The following CENPK variants were observed in gnomAD, a reference collection of about 807,000 sequenced individuals.
CENPK encodes centromere protein K.
In CENPK, 46 loss-of-function variants were observed where a neutral mutation model predicts 40.9. The observed-to-expected ratio is 1.13, with a 90% CI of 0.89 to 1.44. The LOEUF is 1.44. CENPK is among the 40% of genes most tolerant of loss of function. The pLI, the probability that CENPK is intolerant of heterozygous loss-of-function variation, is 0.00. For missense variants in CENPK, 288 were observed against 303.5 expected (o/e 0.95, Z 0.38); for synonymous variants, 107 against 104.4 (o/e 1.02, Z -0.15).
chr5:65,560,392 T>C (rs1357656628), intron 2 of CENPK, among the ~76,000 whole-genome samples: 6 of 152,120 alleles, frequency 3.9e-5, no homozygotes, highest in Non-Finnish European at 7.4e-5. Context: ...GGGAAAAGGG[T>C]TGTGGCTGGG....
intron 5 of CENPK, among the ~76,000 whole-genome samples, chr5:65,544,130 T>C (rs1407472821): frequency 6.6e-6 from 1 of 152,174 alleles, no homozygotes; most frequent in Non-Finnish European, 1.5e-5. Context: ...TAGGTTTGTA[T>C]TAGAATATTC....
chr5:65,552,103 G>C (rs879646335), intron 4 of CENPK, among the ~76,000 whole-genome samples: 4 of 151,776 alleles, frequency 2.6e-5, no homozygotes, highest in Admixed American at 2.0e-4. Context: ...GGGATCATAT[G>C]ACCACATCAC....
At position 65,529,006 on chromosome 5, in the gene CENPK, C is replaced by T; in HGVS notation, c.383G>A (p.Trp128Ter). The change falls in exon 8 of 11, where the codon TGG (tryptophan) becomes TAG (stop). Residue 128 changes from tryptophan to a stop codon, truncating the protein, a stop_gained. Coordinates refer to ENST00000396679, the MANE Select transcript of CENPK (RefSeq NM_022145.5). LOFTEE classifies it high-confidence loss of function. ...LKEDLEREQR[W>*]LDEQQQIMES... ...CATTATCTGTTGCTGTTCATCCAAC[C>T]ACCGTTGTTCCCTTTCGACATGGAA... is the stretch of plus-strand genomic sequence containing the variant. 6.2e-7 allele frequency: 1 copy of T among 1,608,138 alleles called. No homozygotes were observed. Among genetic ancestry groups the T allele is most frequent in the Non-Finnish European group, 8.5e-7 (1 of 1,176,120 alleles).
chr5:65,555,794 G>T (rs1750874703), intron 2 of CENPK, among the ~76,000 whole-genome samples: 1 of 152,204 alleles, frequency 6.6e-6, no homozygotes, highest in Non-Finnish European at 1.5e-5. Flanking sequence ...GATGGTAAAA[G>T]AAACAGATTT....
chr5:65,563,106 C>A lies in CENPK; in HGVS notation c.-150G>T. The A allele has an allele frequency of 1.7e-6, 1 of 576,914 alleles. No homozygotes were observed. Among genetic ancestry groups the A allele is most frequent in the Non-Finnish European group, 3.0e-6 (1 of 333,484 alleles). 35.7% of individuals were successfully genotyped at this position (576,914 alleles called of 1,614,324 possible). On this transcript the variant is annotated 5_prime_UTR_variant, in exon 1 of 11. Coordinates refer to ENST00000396679, the MANE Select transcript of CENPK (RefSeq NM_022145.5). ...CCCGGCCCAGGTCTTACCATCACAG[C>A]GTCACAAACTCCAGGTCGCCTAGGC...
chr5:65,502,313 A>G, the CENPK span, among the ~76,000 whole-genome samples: 1 of 152,186 alleles, frequency 6.6e-6, no homozygotes, highest in African/African-American at 2.4e-5. Flanking sequence ...TGGTACGTAT[A>G]AGGCAAAAAG....
At chr5:65,543,932 G>A (rs544100440) in intron 5 of CENPK, among the ~76,000 whole-genome samples, 3 of 152,158 alleles carry the variant, frequency 2.0e-5, no homozygotes, top group Non-Finnish European at 4.4e-5. Context: ...AGCCTGATGA[G>A]TAGAAACAAA....
intron 2 of CENPK, among the ~76,000 whole-genome samples, chr5:65,559,545 C>T (rs908400800): frequency 1.3e-5 from 2 of 148,664 alleles, no homozygotes; most frequent in Non-Finnish European, 3.0e-5. Flanking sequence ...AGGAGAATGG[C>T]GTGAACCCGG....
In CENPK at chr5:65,542,843, G is replaced by C. The variant is rs557986609; in HGVS notation, c.247C>G (p.Pro83Ala). The C allele has an allele frequency of 2.5e-6, 4 of 1,608,554 alleles. No individual in the cohort carries two copies. The South Asian group carries it at 3.3e-5, about 13-fold the overall frequency. ...GTTATGAGAACGTCTTCAGTCAAGGGAATTGCTACAAAAACAAAACAAAAC... is the reference window on the plus strand; with the variant it reads ...GTTATGAGAACGTCTTCAGTCAAGGCAATTGCTACAAAAACAAAACAAAAC... ...QWQKKTPETI[P>A]LTEDVLITLG... Residue 83 changes from proline to alanine, a missense_variant, in exon 6 of 11, where the codon CCC becomes GCC. By Grantham distance (27) the Pro-to-Ala change is conservative (BLOSUM62 -1). Transcript: ENST00000396679.
At chr5:65,547,927 G>C (rs955489847) in intron 5 of CENPK, among the ~76,000 whole-genome samples, 5 of 152,200 alleles carry the variant, frequency 3.3e-5, no homozygotes, top group Non-Finnish European at 5.9e-5. Flanking sequence ...GTCTCCCAAA[G>C]TGCTGGGATT....
At chr5:65,498,349 T>C in the CENPK span, among the ~76,000 whole-genome samples, 1 of 152,068 alleles carries the variant, frequency 6.6e-6, no homozygotes, top group African/African-American at 2.4e-5. Flanking sequence ...GCTTTATTTA[T>C]TACATTTACA....
intron 4 of CENPK, among the ~76,000 whole-genome samples, chr5:65,551,913 A>G (rs1750136329): frequency 6.6e-6 from 1 of 151,786 alleles, no homozygotes; most frequent in Non-Finnish European, 1.5e-5. Context: ...AGATAGTAAA[A>G]TATCTGTGAC....
At chr5:65,527,219 C>T (rs1269092251) in intron 9 of CENPK, among the ~76,000 whole-genome samples, 1 of 151,898 alleles carries the variant, frequency 6.6e-6, no homozygotes, top group Non-Finnish European at 1.5e-5. Context: ...CTCACCAGAT[C>T]GGAAGGGTTT....
intron 9 of CENPK, 35 bp from the exon 10 acceptor site, chr5:65,521,563 C>T (rs1165812915): frequency 7.4e-7 from 1 of 1,360,292 alleles, no homozygotes; most frequent in Non-Finnish European, 1.0e-6. Context: ...ACAATTACCA[C>T]TTCACTTCTG....
At chr5:65,519,140 G>A (rs1743240146) in intron 10 of CENPK, among the ~76,000 whole-genome samples, 1 of 152,072 alleles carries the variant, frequency 6.6e-6, no homozygotes, top group South Asian at 2.1e-4. Context: ...GGATATTGTG[G>A]AATTAAAACC....
At chr5:65,508,804 A>G in the CENPK span, among the ~76,000 whole-genome samples, 1 of 151,744 alleles carries the variant, frequency 6.6e-6, no homozygotes, top group African/African-American at 2.4e-5. Flanking sequence ...AAAAAAAAAA[A>G]AAGCTAAAAC....
chr5:65,529,942 A>T lies in CENPK; in HGVS notation c.289-743T>A, dbSNP rs191713900. Among the ~76,000 whole-genome samples, 918 of 151,642 alleles carry T rather than the reference A, an allele frequency of 6.1e-3. 9 individuals are homozygous for T. Among genetic ancestry groups the T allele is most frequent in the African/African-American group, 0.02 (837 of 41,350 alleles). ...GCCTCAGCCTCCCGAGTAGCTGGGA[A>T]TACAGGCACGTGCCACCACGCCCAG... On this transcript the variant is annotated intron_variant, in intron 6 of 10. Transcript: ENST00000396679.
downstream of CENPK, among the ~76,000 whole-genome samples, chr5:65,517,347 C>A (rs1457564084): frequency 1.3e-5 from 2 of 152,232 alleles, no homozygotes; most frequent in Admixed American, 1.3e-4. Flanking sequence ...GTCAGACCTA[C>A]ACTGCCATTT....
intron 4 of CENPK, 60 bp from the exon 5 acceptor site, chr5:65,551,696 A>T: frequency 1.1e-6 from 1 of 935,074 alleles, no homozygotes; most frequent in African/African-American, 1.7e-5. Context: ...TCATAGATGA[A>T]AATATAAACA....
Sources: gnomAD v4.1 joint callset for allele counts (sites outside exome capture counted in the v4.1 genomes callset) on GRCh38, gnomAD v4.1.1 for gene constraint, MANE v1.5 for transcripts, NCBI Gene and HGNC (gene_info 2026-07-23, HGNC 2026-07-21) for gene names.